POU6F2: variants seen among roughly 807,000 people sequenced by gnomAD.
POU6F2 encodes POU class 6 homeobox 2, also known as POU domain, class 6, transcription factor 2.
A neutral mutation model predicts 71.3 loss-of-function variants in POU6F2; 31 were observed. The observed-to-expected ratio is 0.43, with a 90% CI of 0.33 to 0.59. The LOEUF (loss-of-function observed/expected upper bound fraction) is 0.59, where lower values mean the gene tolerates loss of function less well. Ranked by LOEUF, POU6F2 falls within the 20% of genes least tolerant of loss-of-function variation. The probability of loss-of-function intolerance (pLI) is 0.04; values close to 1 mark genes in which losing one functional copy is unlikely to be tolerated. For missense variants in POU6F2, 783 were observed against 856.8 expected (o/e 0.91, Z 1.07); for synonymous variants, 347 against 355.7 (o/e 0.98, Z 0.27).
intron 7 of POU6F2, among the ~76,000 whole-genome samples, chr7:39,447,095 A>G (rs1406478394): frequency 6.6e-6 from 1 of 152,220 alleles, no homozygotes; most frequent in African/African-American, 2.4e-5. Context: ...CCCAAACTGC[A>G]CTAAAATCAT....
At chr7:39,459,698 G>A (rs1055841898) in intron 8 of POU6F2, among the ~76,000 whole-genome samples, 3 of 152,224 alleles carry the variant, frequency 2.0e-5, no homozygotes, top group African/African-American at 7.2e-5. Flanking sequence ...CTACAGGCAG[G>A]ATTGAGTAGC....
At chr7:39,027,349 C>T (rs1789833237) in intron 1 of POU6F2, among the ~76,000 whole-genome samples, 1 of 152,160 alleles carries the variant, frequency 6.6e-6, no homozygotes, top group Admixed American at 6.6e-5. Context: ...TGCCATCATC[C>T]AATCACACTG....
chr7:39,186,964 T>C (rs1793553521), intron 2 of POU6F2, among the ~76,000 whole-genome samples: 1 of 152,242 alleles, frequency 6.6e-6, no homozygotes, highest in Non-Finnish European at 1.5e-5. Flanking sequence ...TCTGGAGCCC[T>C]GCTGGGTGAC....
intron 7 of POU6F2, among the ~76,000 whole-genome samples, chr7:39,437,221 G>A (rs547261143): frequency 3.3e-5 from 5 of 152,288 alleles, no homozygotes; most frequent in African/African-American, 9.6e-5. Context: ...TGTATTTCTG[G>A]TAGAATTCAG....
intron 2 of POU6F2, 101 bp downstream of exon 2, chr7:39,086,132 T>C: frequency 8.0e-7 from 1 of 1,242,710 alleles, no homozygotes; most frequent in East Asian, 2.5e-5. Flanking sequence ...CATTCAGTTT[T>C]CCCGTAAGTA....
intron 6 of POU6F2, among the ~76,000 whole-genome samples, chr7:39,428,790 A>G (rs1788028319): frequency 6.6e-6 from 1 of 151,832 alleles, no homozygotes; most frequent in Non-Finnish European, 1.5e-5. Context: ...GTCAAAACTC[A>G]CTCATCAAGT....
chr7:39,151,374 T>C (rs539303535), intron 2 of POU6F2, among the ~76,000 whole-genome samples: 6 of 152,316 alleles, frequency 3.9e-5, no homozygotes, highest in Admixed American at 2.0e-4. Context: ...ATCATTCTGA[T>C]CACATGTATC....
chr7:39,155,692 C>T (rs1349128445), intron 2 of POU6F2, among the ~76,000 whole-genome samples: 1 of 152,104 alleles, frequency 6.6e-6, no homozygotes, highest in African/African-American at 2.4e-5. Context: ...AAATAAAAGG[C>T]AAACATCCAA....
At chr7:39,173,717 T>C (rs1457804698) in intron 2 of POU6F2, among the ~76,000 whole-genome samples, 1 of 152,242 alleles carries the variant, frequency 6.6e-6, no homozygotes, top group Non-Finnish European at 1.5e-5. Flanking sequence ...TTAATCTATG[T>C]TGATGACAGG....
chr7:39,128,527 A>G lies in POU6F2; in HGVS notation c.277+42496A>G, dbSNP rs775889787. ...AGATGCATATCTTAATTTTATGATT[A>G]TCTGTGGGAAATATTCCTGCATAAG... On this transcript the variant is annotated intron_variant, in intron 2 of 9. Coordinates refer to ENST00000518318, the MANE Select transcript of POU6F2 (RefSeq NM_001370959.1). 1.6e-4 allele frequency among the ~76,000 whole-genome samples: 25 copies of G among 152,222 alleles called. 1 individual carries two copies. The highest frequency in any genetic ancestry group is 1.4e-3 in the Admixed American group (21 of 15,292).
Position 39,129,355 on chromosome 7 carries a change from A to C in POU6F2, c.277+43324A>C, listed in dbSNP as rs973577908. 3.3e-5 allele frequency among the ~76,000 whole-genome samples: 5 copies of C among 152,212 alleles called. No individual in the cohort carries two copies. The East Asian group carries it at 7.7e-4, about 23-fold the overall frequency. On this transcript the variant is annotated intron_variant, in intron 2 of 9. Coordinates refer to ENST00000518318, the MANE Select transcript of POU6F2 (RefSeq NM_001370959.1). ...TTAGCATATAGTAGTTGCTCTATGAATATCAGATAAAGGAAATTTGACCTA... is the reference window on the plus strand; with the variant it reads ...TTAGCATATAGTAGTTGCTCTATGACTATCAGATAAAGGAAATTTGACCTA...
chr7:39,044,749 T>A (rs1790254996), intron 1 of POU6F2, among the ~76,000 whole-genome samples: 1 of 151,860 alleles, frequency 6.6e-6, no homozygotes, highest in Non-Finnish European at 1.5e-5. Context: ...AATATGAGCA[T>A]TTTTTTGCAG....
At chr7:39,153,425 C>T (rs1388417649) in intron 2 of POU6F2, among the ~76,000 whole-genome samples, 1 of 152,050 alleles carries the variant, frequency 6.6e-6, no homozygotes, top group Non-Finnish European at 1.5e-5. Context: ...AATACGATCG[C>T]ATCCCACCCT....
intron 4 of POU6F2, among the ~76,000 whole-genome samples, chr7:39,229,486 C>T (rs1794533560): frequency 6.6e-6 from 1 of 152,192 alleles, no homozygotes; most frequent in African/African-American, 2.4e-5. Flanking sequence ...TTTAATTTCC[C>T]AACAATGATT....
chr7:39,460,595 T>A lies in POU6F2; in HGVS notation c.1538T>A (p.Ile513Asn), dbSNP rs1454407109. 6.2e-7 allele frequency: 1 copy of A among 1,613,402 alleles called. No individual in the cohort carries two copies. The highest frequency in any genetic ancestry group is 8.5e-7 in the Non-Finnish European group (1 of 1,179,704). Residue 513 changes from isoleucine (I) to asparagine (N), a missense_variant, in exon 9 of 10, where the codon ATC (isoleucine) becomes AAC (asparagine). This residue lies in a region of POU6F2 where 211 missense variants were observed against 283.9 expected (regional missense o/e 0.74). Coordinates refer to ENST00000518318, the MANE Select transcript of POU6F2 (RefSeq NM_001370959.1). The surrounding 1 kb of genome is among the most constrained non-coding windows in gnomAD (Gnocchi z 4.4). ...GEVDGVNLEE[I>N]REFAKAFKIR... ...GTGGATGGGGTTAATCTGGAGGAGA[T>A]CCGAGAATTTGCCAAAGCTTTTAAA...
chr7:39,433,051 T>C (rs1268770436), intron 6 of POU6F2, 26 bp from the exon 7 acceptor site: 4 of 1,610,360 alleles, frequency 2.5e-6, no homozygotes, highest in Non-Finnish European at 3.4e-6. Flanking sequence ...CCGAGCCAGC[T>C]CCTCACCTTT....
chr7:39,292,947 G>T (rs1408581415), intron 4 of POU6F2, among the ~76,000 whole-genome samples: 1 of 152,120 alleles, frequency 6.6e-6, no homozygotes, highest in Non-Finnish European at 1.5e-5. Flanking sequence ...CAAATGAGCC[G>T]TTTCGTACCT....
At chr7:39,007,432 A>G (rs1789105662) in intron 1 of POU6F2, among the ~76,000 whole-genome samples, 2 of 152,230 alleles carry the variant, frequency 1.3e-5, no homozygotes, top group Non-Finnish European at 2.9e-5. Flanking sequence ...TTGAAGGAAC[A>G]GAAAACTTGA....
At chr7:39,124,484 G>C (rs1792106843) in intron 2 of POU6F2, among the ~76,000 whole-genome samples, 1 of 152,164 alleles carries the variant, frequency 6.6e-6, no homozygotes, top group East Asian at 1.9e-4. Context: ...CAGACGGTGG[G>C]AAGACTTGTT....
Sources: allele counts gnomAD v4.1 joint callset (sites outside exome capture counted in the v4.1 genomes callset), GRCh38; gene constraint gnomAD v4.1.1; regional missense constraint gnomAD v4.1.1; non-coding constraint Gnocchi (gnomAD v3.1); transcripts MANE v1.5; gene names NCBI Gene and HGNC (gene_info 2026-07-23, HGNC 2026-07-21).